PIK3AP1: variants seen among roughly 807,000 people sequenced by gnomAD.
The protein encoded by PIK3AP1 is phosphoinositide-3-kinase adaptor protein 1.
PIK3AP1 carries 21 observed loss-of-function variants against 88.1 expected under a neutral mutation model. The ratio of observed to expected loss-of-function variants is 0.24; its 90% CI spans 0.17 to 0.34. The LOEUF is 0.34. Among genes scored for constraint, PIK3AP1 ranks in the 10% least tolerant of loss-of-function variants. PIK3AP1 has a pLI of 1.00. For synonymous variants in PIK3AP1, 398 were observed against 400.0 expected, an observed-to-expected ratio of 1.00 and a Z score of 0.06; for missense variants, 828 against 1,035.7, an observed-to-expected ratio of 0.80 and a Z score of 2.75.
intron 8 of PIK3AP1, among the ~76,000 whole-genome samples, chr10:96,640,789 C>CT (rs2134223073): frequency 6.6e-6 from 1 of 151,982 alleles, no homozygotes; most frequent in East Asian, 1.9e-4. Context: ...TCCTGAGTAG[C>CT]TGGGACCACA....
chr10:96,716,818 C>A (rs1844508608), intron 1 of PIK3AP1, among the ~76,000 whole-genome samples: 1 of 152,120 alleles, frequency 6.6e-6, no homozygotes, highest in African/African-American at 2.4e-5. Flanking sequence ...GAGGAAGGGT[C>A]TTTCTTTGTC....
intron 16 of PIK3AP1, among the ~76,000 whole-genome samples, chr10:96,600,819 A>G (rs1848876517): frequency 1.3e-5 from 2 of 152,178 alleles, no homozygotes; most frequent in Non-Finnish European, 2.9e-5. Flanking sequence ...ACACATGAAC[A>G]TTTTATTTTA....
At chr10:96,613,936 G>A (rs1380757118) in intron 13 of PIK3AP1, among the ~76,000 whole-genome samples, 2 of 152,196 alleles carry the variant, frequency 1.3e-5, no homozygotes, top group Non-Finnish European at 2.9e-5. Flanking sequence ...GCAGGACTGA[G>A]GCTCAGGGAG....
intron 1 of PIK3AP1, among the ~76,000 whole-genome samples, chr10:96,718,559 C>A (rs983794484): frequency 1.3e-5 from 2 of 152,178 alleles, no homozygotes; most frequent in Non-Finnish European, 2.9e-5. Context: ...CTAACCATTA[C>A]AAACACCTGC....
In PIK3AP1 at chr10:96,662,888, CAAAAAAAAAAAAAAAA is replaced by C. The variant is rs749898725; in HGVS notation, c.431-5970_431-5955del. ...TGGGCGACAGAGCGAGACTCCGTCT[CAAAAAAAAAAAAAAAA>C]AAAAAAAAAAAAAGAGGGAAACTCC... On this transcript the variant is annotated intron_variant, in intron 2 of 16. Transcript: ENST00000339364. Among the ~76,000 whole-genome samples the C allele has an allele frequency of 7.5e-3, 169 of 22,584 alleles. 1 individual carries two copies. Among genetic ancestry groups the C allele is most frequent in the African/African-American group, 0.026 (145 of 5,594 alleles). 14.8% of individuals were successfully genotyped at this position (22,584 alleles called of 152,430 possible).
At chr10:96,596,747 A>G (rs1319889328) in intron 16 of PIK3AP1, among the ~76,000 whole-genome samples, 1 of 152,200 alleles carries the variant, frequency 6.6e-6, no homozygotes, top group Non-Finnish European at 1.5e-5. Flanking sequence ...CTATTTACAG[A>G]CAGGTTCAAG....
At chr10:96,685,617 A>G (rs983709956) in intron 2 of PIK3AP1, among the ~76,000 whole-genome samples, 5 of 152,232 alleles carry the variant, frequency 3.3e-5, no homozygotes, top group African/African-American at 1.2e-4. Context: ...AATGAAGCCT[A>G]TGAAAGTCTT....
At chr10:96,710,575 TC>T (rs888394949) in intron 1 of PIK3AP1, among the ~76,000 whole-genome samples, 3 of 151,744 alleles carry the variant, frequency 2.0e-5, no homozygotes, top group African/African-American at 7.3e-5. Flanking sequence ...GCATGCACCT[TC>T]CCCCCACACC....
intron 2 of PIK3AP1, among the ~76,000 whole-genome samples, chr10:96,662,754 C>T (rs1284327118): frequency 7.6e-4 from 114 of 150,072 alleles, no homozygotes; most frequent in African/African-American, 2.6e-3. Flanking sequence ...CGGTGGCGGG[C>T]GCCTGTAGTC....
intron 1 of PIK3AP1, among the ~76,000 whole-genome samples, chr10:96,712,056 A>G (rs1005963295): frequency 3.3e-5 from 5 of 151,924 alleles, no homozygotes; most frequent in African/African-American, 1.2e-4. Flanking sequence ...ACCCGGCCAT[A>G]TTACCAAATT....
At chr10:96,718,206 G>A (rs1014487549) in intron 1 of PIK3AP1, among the ~76,000 whole-genome samples, 10 of 152,202 alleles carry the variant, frequency 6.6e-5, no homozygotes, top group African/African-American at 9.7e-5. Flanking sequence ...TGATGAAAAT[G>A]TCCCAAAATT....
At chr10:96,637,526 A>T (rs1029436526) in intron 8 of PIK3AP1, among the ~76,000 whole-genome samples, 2 of 151,868 alleles carry the variant, frequency 1.3e-5, no homozygotes, top group Non-Finnish European at 2.9e-5. Flanking sequence ...TTTAAAAAAA[A>T]TTTTTTAGAA....
intron 2 of PIK3AP1, among the ~76,000 whole-genome samples, chr10:96,679,139 C>T (rs974693073): frequency 6.6e-5 from 10 of 152,184 alleles, no homozygotes; most frequent in Admixed American, 2.6e-4. Context: ...AAATTACACT[C>T]AAGGATTTTT....
chr10:96,597,271 T>TTTTCTTCC (rs1848776254), intron 16 of PIK3AP1, among the ~76,000 whole-genome samples: 2 of 107,530 alleles, frequency 1.9e-5, no homozygotes, highest in Non-Finnish European at 3.6e-5. Context: ...TCTTTCTTTC[T>TTTTCTTCC]TTCCTTCCTT....
At chr10:96,681,821 G>A (rs1034163558) in intron 2 of PIK3AP1, among the ~76,000 whole-genome samples, 4 of 152,130 alleles carry the variant, frequency 2.6e-5, no homozygotes, top group African/African-American at 7.2e-5. Flanking sequence ...CTGAGTGCCT[G>A]TATCACAGAG....
At chr10:96,692,192 G>C (rs914066891) in intron 2 of PIK3AP1, among the ~76,000 whole-genome samples, 1 of 152,244 alleles carries the variant, frequency 6.6e-6, no homozygotes, top group African/African-American at 2.4e-5. Context: ...TGGTGGTTAA[G>C]AGGAGGCCTT....
At chr10:96,611,306 T>A (rs1440318349) in intron 13 of PIK3AP1, among the ~76,000 whole-genome samples, 1 of 152,104 alleles carries the variant, frequency 6.6e-6, no homozygotes, top group Admixed American at 6.5e-5. Context: ...ATGCTGGGGC[T>A]CTCTTGGCTA....
chr10:96,676,459 C>G (rs533602934), intron 2 of PIK3AP1, among the ~76,000 whole-genome samples: 2 of 152,148 alleles, frequency 1.3e-5, no homozygotes, highest in East Asian at 3.9e-4. Flanking sequence ...ATGGCCCCAA[C>G]TGAGCCAGCT....
chr10:96,667,136 C>A (rs1362509003), intron 2 of PIK3AP1, among the ~76,000 whole-genome samples: 2 of 152,234 alleles, frequency 1.3e-5, no homozygotes, highest in Admixed American at 6.5e-5. Flanking sequence ...GCCAATGGAA[C>A]CATCCATGGT....
Sources: gnomAD v4.1 joint callset for allele counts (sites outside exome capture counted in the v4.1 genomes callset) on GRCh38, gnomAD v4.1.1 for gene constraint, MANE v1.5 for transcripts, NCBI Gene and HGNC (gene_info 2026-07-23, HGNC 2026-07-21) for gene names.